Variants in LARS2 observed in about 807,000 individuals in gnomAD.
LARS2 encodes leucine--tRNA ligase, mitochondrial.
Under a neutral mutation model 116.6 loss-of-function variants are expected in LARS2, and 81 were observed. That is an observed-to-expected ratio of 0.69 (90% CI 0.58 to 0.84). LARS2 has a LOEUF of 0.84. LARS2 is among the 40% of genes least tolerant of loss of function. LARS2 has a pLI of 0.00. For missense variants in LARS2, 968 were observed against 1,114.5 expected (o/e 0.87, Z 1.87); for synonymous variants, 396 against 407.2 (o/e 0.97, Z 0.33).
intron 20 of LARS2, among the ~76,000 whole-genome samples, chr3:45,533,887 C>G (rs1700660767): frequency 6.6e-6 from 1 of 152,216 alleles, no homozygotes; most frequent in Non-Finnish European, 1.5e-5. Context: ...CACGTCACCC[C>G]ACTGGGGCTT....
intron 6 of LARS2, among the ~76,000 whole-genome samples, chr3:45,433,574 A>G (rs570200681): frequency 2.6e-5 from 4 of 152,228 alleles, no homozygotes; most frequent in African/African-American, 7.2e-5. Flanking sequence ...TGTTTCCTCT[A>G]TATACATTGA....
At position 45,547,443 on chromosome 3, in the gene LARS2, G is replaced by T. The variant is rs753440690; in HGVS notation, c.2625G>T (p.Leu875=). Residue 875 remains leucine, a synonymous_variant, in exon 22 of 22, where the codon CTG becomes CTT. Transcript: ENST00000645846. ...KVHEFVLQSE[L]GVRLLQGRSI... The stretch of plus-strand genomic sequence containing the variant: ...ACGAATTTGTTCTTCAAAGCGAGCT[G>T]GGTGTCAGGCTTTTGCAAGGACGAA... 3 of 1,613,914 alleles carry T rather than the reference G, an allele frequency of 1.9e-6. No homozygotes were observed. Among genetic ancestry groups the T allele is most frequent in the Non-Finnish European group, 2.5e-6 (3 of 1,179,936 alleles).
chr3:45,439,600 G>A (rs1440735652), intron 6 of LARS2, among the ~76,000 whole-genome samples: 2 of 150,960 alleles, frequency 1.3e-5, no homozygotes, highest in African/African-American at 2.4e-5. Context: ...CACGAAGGTG[G>A]GTTTAAAGTT....
intron 9 of LARS2, 49 bp downstream of exon 9, chr3:45,474,399 T>A: frequency 8.0e-7 from 1 of 1,249,226 alleles, no homozygotes; most frequent in Non-Finnish European, 1.2e-6. Context: ...AAATCTCCTC[T>A]ACATTTGGGA....
chr3:45,488,715 C>A lies in LARS2; in HGVS notation c.1142C>A (p.Ser381Ter), dbSNP rs1258161213. 1 of 1,610,896 alleles carries A rather than the reference C, an allele frequency of 6.2e-7. No individual in the cohort carries two copies. The highest frequency in any genetic ancestry group is 8.5e-7 in the Non-Finnish European group (1 of 1,177,062). Residue 381 changes from serine (S) to a stop codon, truncating the protein, a stop_gained, in exon 12 of 22, where the codon TCA becomes TAA. Transcript: ENST00000645846. LOFTEE classifies it high-confidence loss of function. ...TGAATAGGAATTCCCAGTACTAGCT[C>A]AGAGGACACCATCTTAGCCCAAACC... ...DSKIGIPSTSSEDTILAQTLG... is the reference protein window; with the variant it reads ...DSKIGIPSTS
intron 6 of LARS2, 135 bp downstream of exon 6, chr3:45,419,864 T>C (rs1698488334): frequency 4.3e-6 from 3 of 692,864 alleles, no homozygotes; most frequent in Non-Finnish European, 7.8e-6. Flanking sequence ...TTAGCACTCT[T>C]CAAAAAGTAT....
At chr3:45,493,587 A>G (rs968879459) in intron 13 of LARS2, among the ~76,000 whole-genome samples, 1 of 152,152 alleles carries the variant, frequency 6.6e-6, no homozygotes, top group African/African-American at 2.4e-5. Context: ...AAAAATGGGG[A>G]TATGAGCAGT....
chr3:45,518,863 G>A (rs555474036), intron 18 of LARS2, among the ~76,000 whole-genome samples: 1 of 152,142 alleles, frequency 6.6e-6, no homozygotes, highest in Non-Finnish European at 1.5e-5. Context: ...GTGGCCCTGG[G>A]TCCAGCATGG....
intron 4 of LARS2, among the ~76,000 whole-genome samples, chr3:45,416,192 G>A (rs958933086): frequency 6.6e-6 from 1 of 151,700 alleles, no homozygotes; most frequent in African/African-American, 2.4e-5. Flanking sequence ...GGAGGCTGAG[G>A]CAGGAGAATT....
At chr3:45,545,961 A>G (rs1700869308) in intron 21 of LARS2, among the ~76,000 whole-genome samples, 1 of 140,336 alleles carries the variant, frequency 7.1e-6, no homozygotes, top group African/African-American at 2.6e-5. Context: ...GTCCTTAAGG[A>G]AAAAAAAAAA....
intron 8 of LARS2, among the ~76,000 whole-genome samples, chr3:45,459,852 G>C (rs1003990522): frequency 6.6e-6 from 1 of 152,200 alleles, no homozygotes; most frequent in African/African-American, 2.4e-5. Context: ...GCATCATGAA[G>C]GACTACTTAT....
At chr3:45,504,072 T>C (rs993650500) in intron 15 of LARS2, among the ~76,000 whole-genome samples, 1 of 152,076 alleles carries the variant, frequency 6.6e-6, no homozygotes, top group African/African-American at 2.4e-5. Context: ...CACAAACAGA[T>C]ATCACATTCT....
chr3:45,514,107 G>A (rs1038320828), intron 16 of LARS2, among the ~76,000 whole-genome samples: 4 of 152,088 alleles, frequency 2.6e-5, no homozygotes, highest in African/African-American at 9.7e-5. Context: ...TCAGGAGGCT[G>A]AGGCAGGAGA....
chr3:45,453,094 T>C (rs1262883479), intron 7 of LARS2, among the ~76,000 whole-genome samples: 1 of 152,142 alleles, frequency 6.6e-6, no homozygotes, highest in African/African-American at 2.4e-5. Flanking sequence ...TTTGTGTGAA[T>C]TTTCAAAAAC....
intron 15 of LARS2, among the ~76,000 whole-genome samples, chr3:45,508,026 C>A (rs749180271): frequency 3.9e-5 from 6 of 152,062 alleles, no homozygotes; most frequent in African/African-American, 1.4e-4. Flanking sequence ...CATGGCCCAT[C>A]TTCACTGAAT....
rs564104951 is a variant in LARS2 at position 45,415,023 on chromosome 3, G to T, written c.364-2459G>T. On this transcript the variant is annotated intron_variant, in intron 4 of 21. Coordinates refer to ENST00000645846, the MANE Select transcript of LARS2 (RefSeq NM_015340.4). ...ACTGTCCCCTGATGCCACAGCAGAT[G>T]TGTCAAACCATTTTTCCTGCTCATG... Among the ~76,000 whole-genome samples the T allele has an allele frequency of 7.2e-5, 11 of 152,324 alleles. No homozygotes were observed. The South Asian group carries it at 2.3e-3, about 32-fold the overall frequency.
At chr3:45,460,341 A>G (rs1559476417) in intron 8 of LARS2, among the ~76,000 whole-genome samples, 1 of 152,234 alleles carries the variant, frequency 6.6e-6, no homozygotes, top group Admixed American at 6.5e-5. Flanking sequence ...GTCTGCTGAC[A>G]GTTGGGGTCC....
At chr3:45,545,786 G>A (rs1298756226) in intron 21 of LARS2, among the ~76,000 whole-genome samples, 1 of 152,170 alleles carries the variant, frequency 6.6e-6, no homozygotes, top group African/African-American at 2.4e-5. Context: ...CAGGAAGCTC[G>A]AAGGTTTAGA....
At chr3:45,540,881 G>A (rs1362705398) in intron 20 of LARS2, among the ~76,000 whole-genome samples, 1 of 151,972 alleles carries the variant, frequency 6.6e-6, no homozygotes, top group African/African-American at 2.4e-5. Flanking sequence ...AAACTCCTGG[G>A]CTCAAGCAGT....
Sources: gnomAD v4.1 joint callset for allele counts (sites outside exome capture counted in the v4.1 genomes callset) on GRCh38, gnomAD v4.1.1 for gene constraint, MANE v1.5 for transcripts, NCBI Gene and HGNC (gene_info 2026-07-23, HGNC 2026-07-21) for gene names.